The following ZMYND15 variants were observed in gnomAD, a reference collection of about 807,000 sequenced individuals.
ZMYND15 encodes the protein zinc finger MYND domain-containing protein 15.
Under a neutral mutation model 81.7 loss-of-function variants are expected in ZMYND15, and 54 were observed. The ratio of observed to expected loss-of-function variants is 0.66; its 90% CI spans 0.53 to 0.83. The LOEUF is 0.83. Ranked by LOEUF, ZMYND15 falls within the 40% of genes least tolerant of loss-of-function variation. The pLI is 0.00. For missense variants in ZMYND15, 925 were observed against 973.5 expected, an observed-to-expected ratio of 0.95 and a Z score of 0.66; for synonymous variants, 399 against 387.0, an observed-to-expected ratio of 1.03 and a Z score of -0.36.
In ZMYND15 at chr17:4,745,755, C is replaced by T; in HGVS notation, c.2058-64C>T. The T allele has an allele frequency of 7.0e-7, 1 of 1,426,402 alleles. No homozygotes were observed. The highest frequency in any genetic ancestry group is 1.5e-5 in the African/African-American group (1 of 67,542). The allele number at this position is 1,426,402 out of a possible 1,614,324, so 88.4% of individuals were successfully genotyped here. On this transcript the variant is annotated intron_variant, in intron 13 of 13. Transcript: ENST00000433935. This position sits in a 1 kb window ranked among gnomAD's most constrained non-coding sequence, Gnocchi z 5.2. ...ACCGCGCCCCTGGGAGCCCCGACCC[C>T]TGGGAGCGCCGACCCCTGGGAGTCC...
Position 4,744,812 on chromosome 17 carries a change from G to A in ZMYND15, c.1837+34G>A. The stretch of plus-strand genomic sequence containing the variant: ...CTGGGTCTCAGGGTTAGGCATGTGG[G>A]GAAGGTGGGAGAGAAGCCCACCGTG... On this transcript the variant is annotated intron_variant, in intron 11 of 13. Transcript: ENST00000433935. The surrounding 1 kb of genome is among the most constrained non-coding windows in gnomAD (Gnocchi z 4.1). The A allele has an allele frequency of 1.2e-6, 2 of 1,614,130 alleles. No homozygotes were observed. The highest frequency in any genetic ancestry group is 1.7e-6 in the Non-Finnish European group (2 of 1,180,008).
In ZMYND15 at chr17:4,745,116, G is replaced by A; in HGVS notation, c.1897-99G>A. On this transcript the variant is annotated intron_variant, in intron 12 of 13. Transcript: ENST00000433935. The surrounding 1 kb of genome is among the most constrained non-coding windows in gnomAD (Gnocchi z 5.2). ...TCCTCCCCCTGCTCCCCTCCGCCCG[G>A]TCTGTCCGGGGACCTCGGCTTTCAG... The A allele has an allele frequency of 6.3e-7, 1 of 1,597,482 alleles. No individual in the cohort carries two copies. The highest frequency in any genetic ancestry group is 8.5e-7 in the Non-Finnish European group (1 of 1,169,912).
chr17:4,744,833 C>G lies in ZMYND15; in HGVS notation c.1838-37C>G, dbSNP rs1409065970. The G allele has an allele frequency of 6.2e-7, 1 of 1,614,102 alleles. No individual in the cohort carries two copies. Among genetic ancestry groups the G allele is most frequent in the Non-Finnish European group, 8.5e-7 (1 of 1,180,006 alleles). ...GTGGGGAAGGTGGGAGAGAAGCCCA[C>G]CGTGGGAGCCAGCTTCTCCCTCCTC... is the stretch of plus-strand genomic sequence containing the variant. On this transcript the variant is annotated intron_variant, in intron 11 of 13. Transcript: ENST00000433935. The surrounding 1 kb of genome is among the most constrained non-coding windows in gnomAD (Gnocchi z 4.1).
intron 1 of ZMYND15, 104 bp from the exon 2 acceptor site, chr17:4,740,415 C>A: frequency 7.1e-7 from 1 of 1,398,908 alleles, no homozygotes; most frequent in Non-Finnish European, 9.3e-7. Context: ...ACGGATCCAA[C>A]CCTAAGTGAC....
In ZMYND15 at chr17:4,745,969, G is replaced by C. The variant is rs997632501; in HGVS notation, c.2208G>C (p.Arg736=). 4.1e-6 allele frequency: 6 copies of C among 1,447,960 alleles called. No homozygotes were observed. The African/African-American group carries it at 9.0e-5, about 22-fold the overall frequency. 89.7% of individuals were successfully genotyped at this position (1,447,960 alleles called of 1,614,324 possible). A position where few individuals can be genotyped will look rare whatever the true frequency, so the allele number is the denominator to read the frequency against. The change falls in exon 14 of 14, where the codon CGG becomes CGC. Residue 736 remains arginine (R), a synonymous_variant. Coordinates refer to ENST00000433935, the MANE Select transcript of ZMYND15 (RefSeq NM_001136046.3). The surrounding 1 kb of genome is among the most constrained non-coding windows in gnomAD (Gnocchi z 5.2). The part of the protein sequence containing the change: ...RRRRGEKKPG[R]GARRRK ...GCCGAGGAGAAAAGAAACCTGGGCGGGGGGCCCGCCGGCGGAAATGAATGC... is the reference window on the plus strand; with the variant it reads ...GCCGAGGAGAAAAGAAACCTGGGCGCGGGGCCCGCCGGCGGAAATGAATGC...
Position 4,746,036 on chromosome 17 carries a change from A to G in ZMYND15, c.*46A>G. The G allele has an allele frequency of 7.2e-7, 1 of 1,395,960 alleles. No individual in the cohort carries two copies. The highest frequency in any genetic ancestry group is 9.3e-7 in the Non-Finnish European group (1 of 1,074,110). The allele number at this position is 1,395,960 out of a possible 1,614,324, so 86.5% of individuals were successfully genotyped here. On this transcript the variant is annotated 3_prime_UTR_variant, in exon 14 of 14. Transcript: ENST00000433935. ...CCCAGCTCCCAAACACTGAAAGGAAAACGTGAAAACACTCAAGGCCTAGGG... is the reference window on the plus strand; with the variant it reads ...CCCAGCTCCCAAACACTGAAAGGAAGACGTGAAAACACTCAAGGCCTAGGG...
chr17:4,741,739 C>T lies in ZMYND15; in HGVS notation c.750C>T (p.His250=), dbSNP rs371274010. Residue 250 remains histidine, a synonymous_variant, in exon 3 of 14, where the codon CAC becomes CAT. Transcript: ENST00000433935. Reference sequence around the variant, plus strand: ...CTTGGGCCTATGCTCTCCTCTGTCACAGCATGGCCTGTCCCATGGGCTCTG... The same window carrying T: ...CTTGGGCCTATGCTCTCCTCTGTCATAGCATGGCCTGTCCCATGGGCTCTG... ...LAPWAYALLC[H]SMACPMGSGD... is the part of the protein sequence containing the mutation. 1.7e-5 allele frequency: 28 copies of T among 1,609,316 alleles called. No homozygotes were observed. In the African/African-American group the frequency reaches 3.3e-4, roughly 19 times the overall value.
Position 4,744,726 on chromosome 17 carries a change from G to GTCA in ZMYND15, c.1786_1788dup (p.Ser596dup). On this transcript the variant is annotated inframe_insertion, in exon 11 of 14. Coordinates refer to ENST00000433935, the MANE Select transcript of ZMYND15 (RefSeq NM_001136046.3). The surrounding 1 kb of genome is among the most constrained non-coding windows in gnomAD (Gnocchi z 4.1). ...GCCGCAGGGACCTGCAGATCAAGGT[G>GTCA]TCAGCAAGGCCCTACCACCTGTTCC... 1.2e-6 allele frequency: 2 copies of GTCA among 1,614,168 alleles called. No individual in the cohort carries two copies. Among genetic ancestry groups the GTCA allele is most frequent in the East Asian group, 4.5e-5 (2 of 44,870 alleles).
chr17:4,741,422 G>C (rs1235140485), intron 2 of ZMYND15, among the ~76,000 whole-genome samples, 160 bp from the exon 3 acceptor site: 1 of 152,124 alleles, frequency 6.6e-6, no homozygotes, highest in African/African-American at 2.4e-5. Flanking sequence ...CTCTGTAGCA[G>C]CTGTCCCCTT....
chr17:4,740,927 A>T lies in ZMYND15; in HGVS notation c.379A>T (p.Lys127Ter), dbSNP rs759558449. 3.2e-6 allele frequency: 5 copies of T among 1,582,180 alleles called. No individual in the cohort carries two copies. The South Asian group carries it at 5.7e-5, about 18-fold the overall frequency. Residue 127 changes from lysine to a stop codon, truncating the protein, a stop_gained, in exon 2 of 14, where the codon AAG becomes TAG. Coordinates refer to ENST00000433935, the MANE Select transcript of ZMYND15 (RefSeq NM_001136046.3). LOFTEE classifies it high-confidence loss of function. Reference sequence around the variant, plus strand: ...AGAGGAGGAAGATGAAGAAGAAGAGAAGAGAGAGGACGGGGGTGCAGGCAG... The same window carrying T: ...AGAGGAGGAAGATGAAGAAGAAGAGTAGAGAGAGGACGGGGGTGCAGGCAG... Reference protein sequence around the residue: ...EEEEEDEEEEKREDGGAGSTE... With the variant: ...EEEEEDEEEE
Position 4,744,803 on chromosome 17 carries a change from G to A in ZMYND15, c.1837+25G>A. 6.2e-7 allele frequency: 1 copy of A among 1,614,158 alleles called. No homozygotes were observed. The highest frequency in any genetic ancestry group is 1.3e-5 in the African/African-American group (1 of 75,048). On this transcript the variant is annotated intron_variant, in intron 11 of 13. Coordinates refer to ENST00000433935, the MANE Select transcript of ZMYND15 (RefSeq NM_001136046.3). This position sits in a 1 kb window ranked among gnomAD's most constrained non-coding sequence, Gnocchi z 4.1. ...GGTAAAAGCCTGGGTCTCAGGGTTA[G>A]GCATGTGGGGAAGGTGGGAGAGAAG...
At position 4,745,257 on chromosome 17, in the gene ZMYND15, A is replaced by G. The variant is rs759899618; in HGVS notation, c.1939A>G (p.Ser647Gly). 1 of 1,613,788 alleles carries G rather than the reference A, an allele frequency of 6.2e-7. No homozygotes were observed. The highest frequency in any genetic ancestry group is 8.5e-7 in the Non-Finnish European group (1 of 1,179,940). The change falls in exon 13 of 14, where the codon AGC (serine) becomes GGC (glycine). Residue 647 changes from serine (S) to glycine (G), a missense_variant. Physicochemically the swap from Ser to Gly is moderately conservative, Grantham distance 56. Transcript: ENST00000433935. This position sits in a 1 kb window ranked among gnomAD's most constrained non-coding sequence, Gnocchi z 5.2. ...PAFFTESSEY[S>G]CVMDGQTMAV... ...CTTCTTCACCGAGAGCAGCGAGTAC[A>G]GCTGTGTGATGGACGGCCAGACCAT...
In ZMYND15 at chr17:4,739,906, G is replaced by A; in HGVS notation, c.-175G>A. The A allele has an allele frequency of 2.0e-6, 2 of 985,390 alleles. No homozygotes were observed. Among genetic ancestry groups the A allele is most frequent in the Non-Finnish European group, 2.4e-6 (2 of 830,042 alleles). The allele number at this position is 985,390 out of a possible 1,614,324, so 61.0% of individuals were successfully genotyped here. On this transcript the variant is annotated 5_prime_UTR_variant, in exon 1 of 14. Coordinates refer to ENST00000433935, the MANE Select transcript of ZMYND15 (RefSeq NM_001136046.3). This position sits in a 1 kb window ranked among gnomAD's most constrained non-coding sequence, Gnocchi z 5.3. ...CCAGCCCCGGCCGCGCGCACCTGCG[G>A]GGCAGCCACCCGCGGACGCACCGAG... is the stretch of plus-strand genomic sequence containing the variant.
At position 4,745,037 on chromosome 17, in the gene ZMYND15, A is replaced by G; in HGVS notation, c.1896+109A>G. On this transcript the variant is annotated intron_variant, in intron 12 of 13. Transcript: ENST00000433935. This position sits in a 1 kb window ranked among gnomAD's most constrained non-coding sequence, Gnocchi z 5.2. ...CCTCCTCTTCACCATCACCTGCTCC[A>G]CAAACCTGGGGAGTGCCCACGGGTC... 6.4e-7 allele frequency: 1 copy of G among 1,550,568 alleles called. No homozygotes were observed. Among genetic ancestry groups the G allele is most frequent in the East Asian group, 2.3e-5 (1 of 44,430 alleles).
chr17:4,742,712 G>T (rs1438697141), intron 5 of ZMYND15, among the ~76,000 whole-genome samples: 1 of 152,112 alleles, frequency 6.6e-6, no homozygotes, highest in Non-Finnish European at 1.5e-5. Flanking sequence ...GCAGGGATTG[G>T]GGGACAGGGA....
intron 1 of ZMYND15, 60 bp from the exon 2 acceptor site, chr17:4,740,459 C>T (rs1252229118): frequency 2.8e-6 from 4 of 1,445,598 alleles, no homozygotes; most frequent in African/African-American, 2.8e-5. Context: ...ATTTGTGACC[C>T]AGCCCCAAAC....
At position 4,742,445 on chromosome 17, in the gene ZMYND15, G is replaced by A. The variant is rs1916469627; in HGVS notation, c.1098G>A (p.Met366Ile). 6.2e-7 allele frequency: 1 copy of A among 1,614,178 alleles called. No homozygotes were observed. The highest frequency in any genetic ancestry group is 8.5e-7 in the Non-Finnish European group (1 of 1,180,036). Residue 366 changes from methionine (M) to isoleucine (I), a missense_variant, in exon 5 of 14, where the codon ATG becomes ATA. Met to Ile is a conservative substitution (Grantham distance 10). Coordinates refer to ENST00000433935, the MANE Select transcript of ZMYND15 (RefSeq NM_001136046.3). ...RFWCPRLAAFMERAGELATLP... is the reference protein window; with the variant it reads ...RFWCPRLAAFIERAGELATLP... ...GGTGCCCAAGGCTTGCAGCCTTCAT[G>A]GAGCGGGCAGGAGAACTGGCAACCC...
In ZMYND15 at chr17:4,744,630, C is replaced by G; in HGVS notation, c.1689C>G (p.Ser563Arg). 6.2e-7 allele frequency: 1 copy of G among 1,612,196 alleles called. No homozygotes were observed. Among genetic ancestry groups the G allele is most frequent in the Non-Finnish European group, 8.5e-7 (1 of 1,179,694 alleles). Reference sequence around the variant, plus strand: ...CCACTCCTGGGGCCCCTCAGGACAGCCTGGAGGTGTCTGTCCGGCCTGGTT... The same window carrying G: ...CCACTCCTGGGGCCCCTCAGGACAGGCTGGAGGTGTCTGTCCGGCCTGGTT... ...DEQHFTLQRD[S>R]LEVSVRPGSG... Residue 563 changes from serine to arginine, a missense_variant, in exon 11 of 14, where the codon AGC becomes AGG. Physicochemically the swap from Ser to Arg is moderately radical, Grantham distance 110. Transcript: ENST00000433935. This position sits in a 1 kb window ranked among gnomAD's most constrained non-coding sequence, Gnocchi z 4.1.
Position 4,740,785 on chromosome 17 carries a change from T to C in ZMYND15, c.237T>C (p.Pro79=). The change falls in exon 2 of 14, where the codon CCT becomes CCC. Residue 79 remains proline, a synonymous_variant. Coordinates refer to ENST00000433935, the MANE Select transcript of ZMYND15 (RefSeq NM_001136046.3). Reference sequence around the variant, plus strand: ...TGGGGCAAGGGGCAGAACCAGGTCCTGGACCAGGCCTGGGGACTGCCTGGC... The same window carrying C: ...TGGGGCAAGGGGCAGAACCAGGTCCCGGACCAGGCCTGGGGACTGCCTGGC... The part of the protein sequence containing the change: ...ISLGQGAEPG[P]GPGLGTAWLL... The C allele has an allele frequency of 6.3e-7, 1 of 1,595,024 alleles. No homozygotes were observed. The highest frequency in any genetic ancestry group is 8.6e-7 in the Non-Finnish European group (1 of 1,167,072).
Sources: allele counts gnomAD v4.1 joint callset (sites outside exome capture counted in the v4.1 genomes callset), GRCh38; gene constraint gnomAD v4.1.1; non-coding constraint Gnocchi (gnomAD v3.1); transcripts MANE v1.5; gene names NCBI Gene and HGNC (gene_info 2026-07-23, HGNC 2026-07-21).